DCAF10: variants seen among roughly 807,000 people sequenced by gnomAD.
DCAF10 encodes the protein DDB1- and CUL4-associated factor 10.
Under a neutral mutation model 51.9 loss-of-function variants are expected in DCAF10, and 19 were observed. The ratio of observed to expected loss-of-function variants is 0.37; its 90% CI spans 0.26 to 0.54. The LOEUF (loss-of-function observed/expected upper bound fraction) is 0.54, where lower values mean the gene tolerates loss of function less well. Ranked by LOEUF, DCAF10 falls within the 20% of genes least tolerant of loss-of-function variation. The pLI, the probability that DCAF10 is intolerant of heterozygous loss-of-function variation, is 0.87. For missense variants in DCAF10, 510 were observed against 730.6 expected (o/e 0.70, Z 3.48); for synonymous variants, 291 against 297.1 (o/e 0.98, Z 0.21).
chr9:37,842,405 C>CT, intron 3 of DCAF10, 119 bp downstream of exon 3: 1 of 956,926 alleles, frequency 1.0e-6, no homozygotes, highest in Non-Finnish European at 1.5e-6. Context: ...GAAAAGCAAC[C>CT]AAAAAGTGAT....
Position 37,864,980 on chromosome 9 carries a change from T to C in DCAF10, c.*3472T>C, listed in dbSNP as rs927357226. The C allele has an allele frequency of 2.0e-5, 3 of 152,146 alleles. No individual in the cohort carries two copies. Among genetic ancestry groups the C allele is most frequent in the Admixed American group, 2.0e-4 (3 of 15,270 alleles). 9.4% of individuals were successfully genotyped at this position (152,146 alleles called of 1,614,324 possible). On this transcript the variant is annotated 3_prime_UTR_variant, in exon 7 of 7. Coordinates refer to ENST00000377724, the MANE Select transcript of DCAF10 (RefSeq NM_024345.5). The stretch of plus-strand genomic sequence containing the variant: ...GCACTGGGATTCAAACCCAGGTTTG[T>C]GTCTTGTCCAAAGCCTGTGCTTACT...
At chr9:37,804,942 C>G (rs1416121007) in intron 1 of DCAF10, among the ~76,000 whole-genome samples, 1 of 152,096 alleles carries the variant, frequency 6.6e-6, no homozygotes, top group African/African-American at 2.4e-5. Flanking sequence ...GTTCTTTGTC[C>G]TTGCCAAGAA....
chr9:37,812,510 G>C (rs1330527361), intron 1 of DCAF10, among the ~76,000 whole-genome samples: 1 of 152,192 alleles, frequency 6.6e-6, no homozygotes, highest in Non-Finnish European at 1.5e-5. Flanking sequence ...GCCACTATCA[G>C]ATCTACACAG....
intron 2 of DCAF10, among the ~76,000 whole-genome samples, chr9:37,834,827 C>T (rs769776506): frequency 2.9e-4 from 43 of 146,128 alleles, no homozygotes; most frequent in Admixed American, 8.9e-4. Flanking sequence ...TCACTCATGT[C>T]GCCCAGGCTG....
At chr9:37,853,148 G>A (rs145225961) in intron 3 of DCAF10, among the ~76,000 whole-genome samples, 17,088 of 117,236 alleles carry the variant, frequency 0.15, 1,239 homozygotes, top group Middle Eastern at 0.21. Context: ...GTGAAACTCC[G>A]TCTCAAAAAA....
chr9:37,817,778 T>C (rs1335232445), intron 1 of DCAF10, among the ~76,000 whole-genome samples: 3 of 152,072 alleles, frequency 2.0e-5, no homozygotes, highest in Admixed American at 1.3e-4. Context: ...TCACTACTTA[T>C]GCACAAAAGG....
intron 3 of DCAF10, among the ~76,000 whole-genome samples, chr9:37,854,470 T>G (rs1404669306): frequency 2.0e-5 from 3 of 152,188 alleles, no homozygotes; most frequent in Non-Finnish European, 4.4e-5. Context: ...TTTGATGTCT[T>G]GACACATATA....
At chr9:37,845,176 C>T (rs1304788808) in intron 3 of DCAF10, among the ~76,000 whole-genome samples, 6 of 152,060 alleles carry the variant, frequency 3.9e-5, no homozygotes, top group Non-Finnish European at 7.4e-5. Context: ...AACTAAGCAT[C>T]TTACTCAAAA....
At chr9:37,802,623 A>C (rs1335625059) in intron 1 of DCAF10, among the ~76,000 whole-genome samples, 2 of 152,204 alleles carry the variant, frequency 1.3e-5, no homozygotes. Flanking sequence ...AAAGGAATAG[A>C]AACAGGAGTT....
At chr9:37,841,332 G>A (rs867060618) in intron 2 of DCAF10, among the ~76,000 whole-genome samples, 6 of 152,268 alleles carry the variant, frequency 3.9e-5, no homozygotes, top group Middle Eastern at 6.8e-3. Context: ...TTCTGTAAGA[G>A]ATTAGGATAA....
At chr9:37,841,282 T>C (rs1013997984) in intron 2 of DCAF10, among the ~76,000 whole-genome samples, 5 of 152,188 alleles carry the variant, frequency 3.3e-5, no homozygotes, top group African/African-American at 9.7e-5. Context: ...CTGACAATTA[T>C]ATGTAAATTT....
chr9:37,842,844 A>C (rs1830372137), intron 3 of DCAF10, among the ~76,000 whole-genome samples: 1 of 152,222 alleles, frequency 6.6e-6, no homozygotes, highest in Non-Finnish European at 1.5e-5. Flanking sequence ...TAGTTGTCCC[A>C]CCTAAAATGC....
chr9:37,808,315 G>A (rs945918018), intron 1 of DCAF10, among the ~76,000 whole-genome samples: 4 of 151,038 alleles, frequency 2.6e-5, no homozygotes, highest in Non-Finnish European at 5.9e-5. Flanking sequence ...GGCTGAGGTG[G>A]GAGGATCACT....
intron 1 of DCAF10, among the ~76,000 whole-genome samples, chr9:37,815,140 C>T (rs1215251044): frequency 6.6e-6 from 1 of 152,050 alleles, no homozygotes; most frequent in Non-Finnish European, 1.5e-5. Flanking sequence ...GAAAAGAAAG[C>T]TTAGCAAAAT....
At chr9:37,850,298 T>C (rs1400947014) in intron 3 of DCAF10, among the ~76,000 whole-genome samples, 1 of 152,182 alleles carries the variant, frequency 6.6e-6, no homozygotes, top group Non-Finnish European at 1.5e-5. Context: ...CAAAGGAAAT[T>C]AAATCACTAT....
At chr9:37,820,333 A>G (rs1564030083) in intron 2 of DCAF10, among the ~76,000 whole-genome samples, 1 of 152,200 alleles carries the variant, frequency 6.6e-6, no homozygotes, top group African/African-American at 2.4e-5. Flanking sequence ...ACCACAGACC[A>G]GCTGGCTTTC....
At chr9:37,807,469 A>G (rs1829148862) in intron 1 of DCAF10, among the ~76,000 whole-genome samples, 1 of 152,184 alleles carries the variant, frequency 6.6e-6, no homozygotes, top group Non-Finnish European at 1.5e-5. Context: ...CAAATAAAAG[A>G]TTATGGCTAC....
At chr9:37,800,777 C>T, upstream of DCAF10, 2 of 1,521,744 alleles carry the variant, frequency 1.3e-6, no homozygotes, top group South Asian at 1.2e-5. Flanking sequence ...GGGGTTAGGC[C>T]GCTGCACGCC....
At chr9:37,827,046 G>A (rs1365625384) in intron 2 of DCAF10, among the ~76,000 whole-genome samples, 1 of 151,916 alleles carries the variant, frequency 6.6e-6, no homozygotes, top group African/African-American at 2.4e-5. Flanking sequence ...GGGTAGTCTC[G>A]AACTCCCGAC....
Sources: allele counts gnomAD v4.1 joint callset (sites outside exome capture counted in the v4.1 genomes callset), GRCh38; gene constraint gnomAD v4.1.1; transcripts MANE v1.5; gene names NCBI Gene and HGNC (gene_info 2026-07-23, HGNC 2026-07-21).